Variants in CSMD3 observed in about 807,000 individuals in gnomAD.
CSMD3 encodes CUB and Sushi multiple domains 3.
In CSMD3, 177 loss-of-function variants were observed where a neutral mutation model predicts 435.2. The ratio of observed to expected loss-of-function variants is 0.41; its 90% CI spans 0.36 to 0.46. CSMD3 has a LOEUF of 0.46. Among genes scored for constraint, CSMD3 ranks in the 20% least tolerant of loss-of-function variants. The pLI, the probability that CSMD3 is intolerant of heterozygous loss-of-function variation, is 0.34. For synonymous variants in CSMD3, 1,656 were observed against 1,520.5 expected (o/e 1.09, Z -2.07); for missense variants, 4,265 against 4,504.6 (o/e 0.95, Z 1.52).
intron 59 of CSMD3, among the ~76,000 whole-genome samples, chr8:112,273,492 G>A (rs1439112287): frequency 5.3e-5 from 8 of 151,920 alleles, no homozygotes; most frequent in East Asian, 1.9e-4. Flanking sequence ...TTGGGAGGCC[G>A]AGGCGGGTGG....
At chr8:113,276,828 T>A (rs2093574647) in intron 3 of CSMD3, among the ~76,000 whole-genome samples, 1 of 152,064 alleles carries the variant, frequency 6.6e-6, no homozygotes, top group African/African-American at 2.4e-5. Flanking sequence ...GAATGTCAAG[T>A]ATCCTATATT....
At chr8:112,984,789 CAA>C (rs2130984271) in intron 6 of CSMD3, among the ~76,000 whole-genome samples, 1 of 152,116 alleles carries the variant, frequency 6.6e-6, no homozygotes, top group African/African-American at 2.4e-5. Flanking sequence ...CCAAAAAATG[CAA>C]ATGTTATACA....
chr8:112,831,869 A>C (rs1283789484), intron 11 of CSMD3, among the ~76,000 whole-genome samples: 1 of 152,066 alleles, frequency 6.6e-6, no homozygotes, highest in African/African-American at 2.4e-5. Flanking sequence ...GAGGGAGTTA[A>C]ATCAATATCT....
At chr8:113,324,578 G>C (rs1247562955) in intron 1 of CSMD3, among the ~76,000 whole-genome samples, 1 of 152,162 alleles carries the variant, frequency 6.6e-6, no homozygotes, top group Non-Finnish European at 1.5e-5. Context: ...ACACCTGGCT[G>C]CCCAGCCAGA....
chr8:112,256,779 A>C (rs1414394596), intron 61 of CSMD3, among the ~76,000 whole-genome samples: 1 of 152,210 alleles, frequency 6.6e-6, no homozygotes, highest in Non-Finnish European at 1.5e-5. Flanking sequence ...TGAAGCAAAC[A>C]AACAGCAACA....
rs369842387 is a variant in CSMD3 at position 112,568,230 on chromosome 8, C to A, written c.4042+5271G>T. Among the ~76,000 whole-genome samples, 470 of 152,140 alleles carry A rather than the reference C, an allele frequency of 3.1e-3. 1 individual carries two copies. The highest frequency in any genetic ancestry group is 9.6e-3 in the African/African-American group (399 of 41,514). On this transcript the variant is annotated intron_variant, in intron 24 of 70. Transcript: ENST00000297405. ...TTTATTTGGGAGAAGAATATTTCCC[C>A]AAAAAGACTACATGAGATTTTTCTT...
chr8:113,117,860 G>A (rs2090881215), intron 4 of CSMD3, among the ~76,000 whole-genome samples: 1 of 152,068 alleles, frequency 6.6e-6, no homozygotes, highest in Non-Finnish European at 1.5e-5. Flanking sequence ...CCTTTGTTTT[G>A]GCCAATTTCT....
At chr8:112,256,020 A>G (rs567671704) in intron 61 of CSMD3, 5 of 152,688 alleles carry the variant, frequency 3.3e-5, no homozygotes, top group Non-Finnish European at 7.3e-5. Flanking sequence ...AATCTACGCA[A>G]AACTATGGAA....
chr8:112,327,650 T>G (rs984836551), intron 45 of CSMD3, among the ~76,000 whole-genome samples: 2 of 152,170 alleles, frequency 1.3e-5, no homozygotes, highest in African/African-American at 4.8e-5. Context: ...AAGAATCATG[T>G]TATCTGACAT....
chr8:112,893,524 G>GAT (rs1374269598), intron 10 of CSMD3, among the ~76,000 whole-genome samples: 1 of 151,470 alleles, frequency 6.6e-6, no homozygotes, highest in African/African-American at 2.4e-5. Flanking sequence ...CACTGGCTTA[G>GAT]ATAAAGTAAC....
At chr8:112,779,179 T>TTG (rs1023699333) in intron 13 of CSMD3, among the ~76,000 whole-genome samples, 4 of 131,704 alleles carry the variant, frequency 3.0e-5, no homozygotes, top group Admixed American at 2.2e-4. Context: ...GTGTGTGTGT[T>TTG]TGCGTGTGTG....
At chr8:112,624,298 C>A (rs1040906106) in intron 22 of CSMD3, among the ~76,000 whole-genome samples, 9 of 152,066 alleles carry the variant, frequency 5.9e-5, no homozygotes, top group African/African-American at 2.2e-4. Flanking sequence ...TAAACAAATT[C>A]AAGAAAAACT....
rs567758453 is a variant in CSMD3 at position 112,365,243 on chromosome 8, T to C, written c.6137-12709A>G. Among the ~76,000 whole-genome samples, 7 of 152,206 alleles carry C rather than the reference T, an allele frequency of 4.6e-5. No individual in the cohort carries two copies. The South Asian group carries it at 1.2e-3, about 27-fold the overall frequency. On this transcript the variant is annotated intron_variant, in intron 38 of 70. Coordinates refer to ENST00000297405, the MANE Select transcript of CSMD3 (RefSeq NM_198123.2). ...CTTCCTCTTCAATATTCAATCCCCTTTGTTATTAACAGAAAGCAAAATTGG... is the reference window on the plus strand; with the variant it reads ...CTTCCTCTTCAATATTCAATCCCCTCTGTTATTAACAGAAAGCAAAATTGG...
At chr8:113,045,239 C>T (rs537019570) in intron 5 of CSMD3, among the ~76,000 whole-genome samples, 4 of 149,248 alleles carry the variant, frequency 2.7e-5, no homozygotes, top group African/African-American at 9.7e-5. Flanking sequence ...CCTTGCAATG[C>T]TTTTTTGAAT....
At chr8:112,463,270 G>C (rs942839715) in intron 32 of CSMD3, among the ~76,000 whole-genome samples, 6 of 152,172 alleles carry the variant, frequency 3.9e-5, no homozygotes, top group African/African-American at 1.4e-4. Context: ...GCTGAGACAA[G>C]AGAATCACTT....
chr8:113,218,792 G>T (rs1270956486), intron 3 of CSMD3, among the ~76,000 whole-genome samples: 1 of 151,168 alleles, frequency 6.6e-6, no homozygotes, highest in South Asian at 2.1e-4. Context: ...GGCCAGAAAT[G>T]CTTCATATTT....
chr8:112,545,511 A>AAAAT (rs1563685281), intron 27 of CSMD3, among the ~76,000 whole-genome samples: 4 of 142,182 alleles, frequency 2.8e-5, no homozygotes, highest in African/African-American at 1.1e-4. Context: ...AAATAATAAT[A>AAAAT]ATAATAATAA....
intron 13 of CSMD3, among the ~76,000 whole-genome samples, chr8:112,790,782 C>T (rs2078668526): frequency 6.6e-6 from 1 of 152,090 alleles, no homozygotes; most frequent in Non-Finnish European, 1.5e-5. Context: ...AAACATTGTT[C>T]TTGCCTTTTT....
In CSMD3 at chr8:112,432,928, T is replaced by C. The variant is rs1012545973; in HGVS notation, c.5396-23896A>G. ...CCACTGGAAAAAAAAAAAAAAAGAG[T>C]TTGAATTTTTATAATGATATCAGGT... On this transcript the variant is annotated intron_variant, in intron 32 of 70. Coordinates refer to ENST00000297405, the MANE Select transcript of CSMD3 (RefSeq NM_198123.2). 3.4e-5 allele frequency among the ~76,000 whole-genome samples: 5 copies of C among 148,638 alleles called. No individual in the cohort carries two copies. The East Asian group carries it at 6.0e-4, about 18-fold the overall frequency.
Sources: gnomAD v4.1 joint callset for allele counts (sites outside exome capture counted in the v4.1 genomes callset) on GRCh38, gnomAD v4.1.1 for gene constraint, MANE v1.5 for transcripts, NCBI Gene and HGNC (gene_info 2026-07-23, HGNC 2026-07-21) for gene names.